The following ZRANB3 variants were observed in gnomAD, a reference collection of about 807,000 sequenced individuals.
ZRANB3 encodes DNA annealing helicase and endonuclease ZRANB3.
ZRANB3 carries 125 observed loss-of-function variants against 133.8 expected under a neutral mutation model. That is an observed-to-expected ratio of 0.93 (90% CI 0.81 to 1.08). The LOEUF is 1.08. Ranked by LOEUF, ZRANB3 falls within the 50% of genes least tolerant of loss-of-function variation. ZRANB3 has a pLI of 0.00. For missense variants in ZRANB3, 1,229 were observed against 1,275.5 expected (o/e 0.96, Z 0.56); for synonymous variants, 387 against 432.7 (o/e 0.89, Z 1.31).
chr2:135,202,125 T>C (rs974428367), intron 20 of ZRANB3, among the ~76,000 whole-genome samples: 1 of 152,236 alleles, frequency 6.6e-6, no homozygotes, highest in African/African-American at 2.4e-5. Flanking sequence ...ATCTGCTCAA[T>C]AGAATACTGT....
Position 135,265,563 on chromosome 2 carries a change from C to T in ZRANB3, c.1510G>A (p.Glu504Lys), listed in dbSNP as rs774893868. The T allele has an allele frequency of 1.2e-6, 2 of 1,613,676 alleles. No homozygotes were observed. Among genetic ancestry groups the T allele is most frequent in the South Asian group, 2.2e-5 (2 of 90,964 alleles). The part of the protein sequence containing the change: ...EAWTPNDSSE[E>K]LRKEALFTHF... ...GTGAACAAAGCTTCCTTCCTTAACT[C>T]TTCAGAACTGTCATTTGGAGTCCAA... Residue 504 changes from glutamate to lysine, a missense_variant, in exon 12 of 21, where the codon GAG (glutamate) becomes AAG (lysine). Coordinates refer to ENST00000264159, the MANE Select transcript of ZRANB3 (RefSeq NM_032143.4).
chr2:135,360,513 G>A (rs928874960), intron 3 of ZRANB3, among the ~76,000 whole-genome samples: 17 of 151,946 alleles, frequency 1.1e-4, no homozygotes, highest in African/African-American at 3.9e-4. Context: ...AGACCATCCT[G>A]GCTAACACGG....
chr2:135,484,012 G>A (rs1426997447), intron 2 of ZRANB3, among the ~76,000 whole-genome samples: 1 of 152,144 alleles, frequency 6.6e-6, no homozygotes, highest in Admixed American at 6.5e-5. Context: ...TACATTTGCT[G>A]AGAAGAGCTT....
chr2:135,294,444 C>A (rs1681928338), intron 8 of ZRANB3, among the ~76,000 whole-genome samples: 1 of 151,904 alleles, frequency 6.6e-6, no homozygotes, highest in Non-Finnish European at 1.5e-5. Flanking sequence ...CGGTGATATC[C>A]CCTTTGTCAT....
At chr2:135,413,737 AGG>A (rs1393755567) in intron 2 of ZRANB3, among the ~76,000 whole-genome samples, 15 of 152,182 alleles carry the variant, frequency 9.9e-5, no homozygotes, top group Admixed American at 9.8e-4. Context: ...CTATTTCCAC[AGG>A]TTTTGTATCT....
chr2:135,378,324 C>A (rs1251263529), intron 3 of ZRANB3, among the ~76,000 whole-genome samples: 1 of 152,090 alleles, frequency 6.6e-6, no homozygotes, highest in Non-Finnish European at 1.5e-5. Context: ...GAAAGCCGGT[C>A]TCTACTAAAA....
chr2:135,253,430 T>C (rs545622564), intron 12 of ZRANB3, among the ~76,000 whole-genome samples: 1 of 152,250 alleles, frequency 6.6e-6, no homozygotes, highest in Admixed American at 6.5e-5. Flanking sequence ...TGAAACTAGA[T>C]GGGAGACTAT....
chr2:135,517,686 G>A (rs1185447810), intron 1 of ZRANB3, among the ~76,000 whole-genome samples: 1 of 152,202 alleles, frequency 6.6e-6, no homozygotes, highest in African/African-American at 2.4e-5. Flanking sequence ...TCCTGTCTGA[G>A]GTGTCTGTTG....
chr2:135,266,971 C>G (rs1479458793), intron 11 of ZRANB3, among the ~76,000 whole-genome samples: 1 of 152,098 alleles, frequency 6.6e-6, no homozygotes, highest in Non-Finnish European at 1.5e-5. Context: ...GGAACCAATG[C>G]CTCCCTCCAC....
intron 2 of ZRANB3, among the ~76,000 whole-genome samples, chr2:135,462,411 C>G (rs145288459): frequency 1.9e-3 from 283 of 152,278 alleles, no homozygotes; most frequent in Admixed American, 4.4e-3. Context: ...TAAGCACACA[C>G]AGTATTTAAA....
chr2:135,272,055 G>C (rs1175461977), intron 9 of ZRANB3, among the ~76,000 whole-genome samples, 168 bp from the exon 10 acceptor site: 1 of 152,158 alleles, frequency 6.6e-6, no homozygotes, highest in African/African-American at 2.4e-5. Flanking sequence ...ATTTTTAATA[G>C]CTTCTTATAA....
chr2:135,233,379 A>T (rs1180604413), intron 12 of ZRANB3, among the ~76,000 whole-genome samples: 3 of 152,256 alleles, frequency 2.0e-5, no homozygotes, highest in Non-Finnish European at 2.9e-5. Flanking sequence ...GCAGGATATT[A>T]TCCGGGAGAA....
chr2:135,468,967 A>C (rs1691126731), intron 2 of ZRANB3, among the ~76,000 whole-genome samples: 1 of 152,200 alleles, frequency 6.6e-6, no homozygotes, highest in Admixed American at 6.5e-5. Flanking sequence ...TGACAACTAC[A>C]ATGGAACCAT....
intron 2 of ZRANB3, among the ~76,000 whole-genome samples, chr2:135,399,523 T>C (rs184510582): frequency 9.1e-4 from 139 of 152,346 alleles, no homozygotes; most frequent in South Asian, 1.2e-3. Context: ...GGGTTTTTTT[T>C]ACATTGTCTT....
At chr2:135,454,235 GACAGT>G (rs1690396621) in intron 2 of ZRANB3, among the ~76,000 whole-genome samples, 1 of 152,210 alleles carries the variant, frequency 6.6e-6, no homozygotes, top group African/African-American at 2.4e-5. Context: ...GCCATTTTTA[GACAGT>G]ACAGCCTCCC....
chr2:135,458,445 T>C (rs1690623608), intron 2 of ZRANB3, among the ~76,000 whole-genome samples: 1 of 152,034 alleles, frequency 6.6e-6, no homozygotes. Context: ...ACTGAATGTG[T>C]AATATCAGTT....
At chr2:135,320,071 C>T (rs1365073507) in intron 6 of ZRANB3, among the ~76,000 whole-genome samples, 4 of 152,002 alleles carry the variant, frequency 2.6e-5, no homozygotes, top group Admixed American at 2.0e-4. Flanking sequence ...ACTATGTTGC[C>T]CAGGCTAGAA....
Position 135,314,144 on chromosome 2 carries a change from G to A in ZRANB3, c.850-539C>T, listed in dbSNP as rs181680431. 1.0e-3 allele frequency among the ~76,000 whole-genome samples: 158 copies of A among 152,238 alleles called. 1 individual carries two copies. The Middle Eastern group carries it at 0.017, about 16-fold the overall frequency. ...CTCCCAAAGTGCTGGGACTACAGGC[G>A]TGAGCCACCGCACCCTGGCCTATAA... On this transcript the variant is annotated intron_variant, in intron 7 of 20. Coordinates refer to ENST00000264159, the MANE Select transcript of ZRANB3 (RefSeq NM_032143.4).
At chr2:135,455,654 CG>C (rs1690485819) in intron 2 of ZRANB3, among the ~76,000 whole-genome samples, 1 of 146,152 alleles carries the variant, frequency 6.8e-6, no homozygotes, top group South Asian at 2.2e-4. Context: ...TGCAGTGGCG[CG>C]ATCTCGGCTC....
Sources: gnomAD v4.1 joint callset for allele counts (sites outside exome capture counted in the v4.1 genomes callset) on GRCh38, gnomAD v4.1.1 for gene constraint, MANE v1.5 for transcripts, NCBI Gene and HGNC (gene_info 2026-07-23, HGNC 2026-07-21) for gene names.